Variants in TRAPPC9 observed in about 807,000 individuals in gnomAD.
The protein encoded by TRAPPC9 is trafficking protein particle complex subunit 9.
In TRAPPC9, 83 loss-of-function variants were observed where a neutral mutation model predicts 124.0. The ratio of observed to expected loss-of-function variants is 0.67; its 90% CI spans 0.56 to 0.80. The LOEUF (loss-of-function observed/expected upper bound fraction) is 0.80, where lower values mean the gene tolerates loss of function less well. Among genes scored for constraint, TRAPPC9 ranks in the 30% least tolerant of loss-of-function variants. TRAPPC9 has a pLI of 0.00. For synonymous variants in TRAPPC9, 638 were observed against 617.5 expected (o/e 1.03, Z -0.49); for missense variants, 1,302 against 1,508.3 (o/e 0.86, Z 2.27).
At chr8:139,902,545 G>A (rs1158605113) in intron 20 of TRAPPC9, among the ~76,000 whole-genome samples, 1 of 152,200 alleles carries the variant, frequency 6.6e-6, no homozygotes, top group Non-Finnish European at 1.5e-5. Flanking sequence ...GATGATCAAG[G>A]AATCAGCTGT....
At chr8:140,248,704 G>A (rs1264899187) in intron 16 of TRAPPC9, among the ~76,000 whole-genome samples, 1 of 152,086 alleles carries the variant, frequency 6.6e-6, no homozygotes, top group Non-Finnish European at 1.5e-5. Flanking sequence ...AAAATTCCAA[G>A]AAATCAGAGA....
At chr8:140,219,330 T>C (rs1222595688) in intron 17 of TRAPPC9, among the ~76,000 whole-genome samples, 1 of 152,172 alleles carries the variant, frequency 6.6e-6, no homozygotes. Context: ...AAGACCCTAG[T>C]TCCCCTAAGA....
At chr8:140,347,585 C>G (rs1159622024) in intron 9 of TRAPPC9, among the ~76,000 whole-genome samples, 1 of 152,186 alleles carries the variant, frequency 6.6e-6, no homozygotes, top group South Asian at 2.1e-4. Context: ...CAAGAATCCC[C>G]TACACTTAAT....
intron 17 of TRAPPC9, among the ~76,000 whole-genome samples, chr8:140,145,132 T>C (rs760329263): frequency 4.6e-5 from 7 of 152,090 alleles, no homozygotes; most frequent in Non-Finnish European, 1.0e-4. Context: ...CACCTCAGCC[T>C]CCCAAAGTGC....
chr8:140,328,629 T>C (rs2066804625), intron 9 of TRAPPC9, among the ~76,000 whole-genome samples: 1 of 151,980 alleles, frequency 6.6e-6, no homozygotes, highest in Non-Finnish European at 1.5e-5. Context: ...ACAAACTGGG[T>C]TCAGTGTATA....
chr8:139,748,549 G>A (rs1245824934), intron 21 of TRAPPC9, among the ~76,000 whole-genome samples: 1 of 151,764 alleles, frequency 6.6e-6, no homozygotes, highest in Non-Finnish European at 1.5e-5. Context: ...GTCAGAGCGG[G>A]TGTGTGGAGA....
At chr8:140,437,556 G>A (rs1261084321) in intron 3 of TRAPPC9, among the ~76,000 whole-genome samples, 3 of 152,140 alleles carry the variant, frequency 2.0e-5, no homozygotes, top group South Asian at 2.1e-4. Context: ...CCCAGGAGGC[G>A]GAGATTGCAG....
intron 21 of TRAPPC9, among the ~76,000 whole-genome samples, chr8:139,786,206 TCAAA>T (rs913219539): frequency 6.6e-6 from 1 of 152,072 alleles, no homozygotes; most frequent in East Asian, 1.9e-4. Flanking sequence ...AGACTCTGTC[TCAAA>T]CAAACAAACA....
intron 21 of TRAPPC9, among the ~76,000 whole-genome samples, chr8:139,758,317 C>T (rs915196653): frequency 2.0e-5 from 3 of 152,196 alleles, no homozygotes; most frequent in Non-Finnish European, 4.4e-5. Context: ...AGCATGCCCA[C>T]GTCGCGTGCT....
At chr8:140,123,042 T>C (rs1239734362) in intron 17 of TRAPPC9, among the ~76,000 whole-genome samples, 1 of 152,242 alleles carries the variant, frequency 6.6e-6, no homozygotes, top group Non-Finnish European at 1.5e-5. Context: ...GCTGCCAATC[T>C]GACATCTCTG....
chr8:140,240,484 C>T (rs533640598), intron 16 of TRAPPC9, among the ~76,000 whole-genome samples: 1 of 152,318 alleles, frequency 6.6e-6, no homozygotes, highest in Admixed American at 6.5e-5. Context: ...TGGTTAAGAC[C>T]TTCCTGCCTC....
At chr8:139,926,562 G>A (rs188968110) in intron 19 of TRAPPC9, among the ~76,000 whole-genome samples, 76 of 150,260 alleles carry the variant, frequency 5.1e-4, no homozygotes, top group Non-Finnish European at 2.8e-4. Flanking sequence ...ATATAAAAGA[G>A]AGGCAAGTGG....
intron 21 of TRAPPC9, among the ~76,000 whole-genome samples, chr8:139,801,572 G>T (rs1348414697): frequency 6.6e-6 from 1 of 152,216 alleles, no homozygotes; most frequent in African/African-American, 2.4e-5. Context: ...AAAATGCCAG[G>T]AGCTGTAACC....
chr8:140,081,474 T>C (rs889278247), intron 17 of TRAPPC9, among the ~76,000 whole-genome samples: 1 of 151,510 alleles, frequency 6.6e-6, no homozygotes, highest in Non-Finnish European at 1.5e-5. Flanking sequence ...GCCTCCTAAG[T>C]AGCTGGAATT....
Position 139,730,217 on chromosome 8 carries a change from C to T in TRAPPC9, c.*844G>A, listed in dbSNP as rs1353332582. On this transcript the variant is annotated 3_prime_UTR_variant, in exon 23 of 23. Transcript: ENST00000438773. ...GTCTCAGCGTTTGCTTATGTGAGATCTCTAACTCAGAACCCGTCCCTTCCT... is the reference window on the plus strand; with the variant it reads ...GTCTCAGCGTTTGCTTATGTGAGATTTCTAACTCAGAACCCGTCCCTTCCT... The T allele has an allele frequency of 1.3e-5, 2 of 152,300 alleles. No individual in the cohort carries two copies. Among genetic ancestry groups the T allele is most frequent in the Admixed American group, 6.5e-5 (1 of 15,282 alleles). The allele number at this position is 152,300 out of a possible 1,614,324, so 9.4% of individuals were successfully genotyped here.
chr8:139,757,709 C>T (rs1210685201), intron 21 of TRAPPC9, among the ~76,000 whole-genome samples: 1 of 152,088 alleles, frequency 6.6e-6, no homozygotes, highest in African/African-American at 2.4e-5. Context: ...ACTGGCCAGG[C>T]CTGTCTCATT....
At position 140,087,555 on chromosome 8, in the gene TRAPPC9, A is replaced by G. The variant is rs1017375418; in HGVS notation, c.2557-63476T>C. On this transcript the variant is annotated intron_variant, in intron 17 of 22. Transcript: ENST00000438773. This position sits in a 1 kb window ranked among gnomAD's most constrained non-coding sequence, Gnocchi z 4.6. ...GAGCTTCCTCCATCTCAGTAAATAA[A>G]ACAACCACCGTCCAGCTGCTCAGGC... Among the ~76,000 whole-genome samples, 2 of 152,094 alleles carry G rather than the reference A, an allele frequency of 1.3e-5. No homozygotes were observed. The highest frequency in any genetic ancestry group is 2.9e-5 in the Non-Finnish European group (2 of 68,016).
intron 17 of TRAPPC9, among the ~76,000 whole-genome samples, chr8:140,028,940 C>G (rs1159769807): frequency 1.3e-5 from 2 of 152,150 alleles, no homozygotes; most frequent in African/African-American, 4.8e-5. Flanking sequence ...ATACTAAAAC[C>G]TACTTCTTGA....
Position 140,231,660 on chromosome 8 carries a change from AT to A in TRAPPC9, c.2432-10078del, listed in dbSNP as rs71520265. ...GGTGTGGCACCACCACACACAGCTA[AT>A]TTTTTTTTTTTTTTTTTGTATTTTT... On this transcript the variant is annotated intron_variant, in intron 16 of 22. Transcript: ENST00000438773. Among the ~76,000 whole-genome samples, 995 of 127,896 alleles carry A rather than the reference AT, an allele frequency of 7.8e-3. 12 individuals carry two copies. The highest frequency in any genetic ancestry group is 0.021 in the African/African-American group (714 of 34,074). 83.9% of individuals were successfully genotyped at this position (127,896 alleles called of 152,430 possible).
Sources: allele counts gnomAD v4.1 joint callset (sites outside exome capture counted in the v4.1 genomes callset), GRCh38; gene constraint gnomAD v4.1.1; non-coding constraint Gnocchi (gnomAD v3.1); transcripts MANE v1.5; gene names NCBI Gene and HGNC (gene_info 2026-07-23, HGNC 2026-07-21).